The following USP28 variants were observed in gnomAD, a reference collection of about 807,000 sequenced individuals.
USP28 encodes ubiquitin carboxyl-terminal hydrolase 28.
In USP28, 113 loss-of-function variants were observed where a neutral mutation model predicts 145.0. The observed-to-expected ratio is 0.78, with a 90% CI of 0.67 to 0.91. The LOEUF is 0.91. Among genes scored for constraint, USP28 ranks in the 40% least tolerant of loss-of-function variants. The pLI, the probability that USP28 is intolerant of heterozygous loss-of-function variation, is 0.00. For missense variants in USP28, 1,201 were observed against 1,289.6 expected (o/e 0.93, Z 1.05); for synonymous variants, 447 against 450.9 (o/e 0.99, Z 0.11).
chr11:113,840,988 G>A (rs1383019491), intron 4 of USP28, among the ~76,000 whole-genome samples: 1 of 152,164 alleles, frequency 6.6e-6, no homozygotes, highest in Non-Finnish European at 1.5e-5. Flanking sequence ...TAAGGTCCAT[G>A]ATTGAACTAA....
At position 113,801,510 on chromosome 11, in the gene USP28, AC is replaced by A. The variant is rs757098047; in HGVS notation, c.3030del (p.Trp1010CysfsTer17). On this transcript the variant is annotated frameshift_variant, in exon 24 of 25. Transcript: ENST00000003302. LOFTEE classifies it high-confidence loss of function. ...GCAATATCTTGCCCAAGGTAAGAGC[AC>A]CAATGGTTTCTCATGACCTCAATGG... 6.3e-7 allele frequency: 1 copy of A among 1,592,202 alleles called. No homozygotes were observed. The highest frequency in any genetic ancestry group is 1.7e-5 in the Admixed American group (1 of 59,742).
intron 3 of USP28, among the ~76,000 whole-genome samples, chr11:113,848,919 G>C (rs1946158481): frequency 6.6e-6 from 1 of 152,228 alleles, no homozygotes; most frequent in African/African-American, 2.4e-5. Flanking sequence ...GTGCCTCCCA[G>C]AGATGACTCC....
chr11:113,810,232 T>C (rs1004164018), intron 16 of USP28, among the ~76,000 whole-genome samples: 8 of 152,164 alleles, frequency 5.3e-5, no homozygotes, highest in African/African-American at 1.9e-4. Flanking sequence ...TCAAGACATT[T>C]ATACCACCAA....
rs535127334 is a variant in USP28 at position 113,818,120 on chromosome 11, T to C, written c.1284-283A>G. On this transcript the variant is annotated intron_variant, in intron 12 of 24. Coordinates refer to ENST00000003302, the Ensembl canonical transcript of USP28. ...CACTTTCTCATGATGTCATATTACA[T>C]TTAGGCTTTGGTCATTTATTTATTT... is the stretch of plus-strand genomic sequence containing the variant. 1.5e-4 allele frequency: 47 copies of C among 313,616 alleles called. 1 individual carries two copies. Among genetic ancestry groups the C allele is most frequent in the Admixed American group, 2.4e-4 (5 of 21,074 alleles). 19.4% of individuals were successfully genotyped at this position (313,616 alleles called of 1,614,324 possible).
At chr11:113,867,625 G>C (rs1427567603) in intron 1 of USP28, among the ~76,000 whole-genome samples, 1 of 151,972 alleles carries the variant, frequency 6.6e-6, no homozygotes, top group Non-Finnish European at 1.5e-5. Flanking sequence ...CTCTGCAGCA[G>C]GCTGAGGCAG....
intron 3 of USP28, among the ~76,000 whole-genome samples, chr11:113,848,367 T>C (rs1946109289): frequency 6.6e-6 from 1 of 152,126 alleles, no homozygotes; most frequent in African/African-American, 2.4e-5. Flanking sequence ...AACAATTGTG[T>C]GGGGCAATGT....
chr11:113,842,607 T>C (rs1418590057), intron 3 of USP28, among the ~76,000 whole-genome samples: 1 of 148,452 alleles, frequency 6.7e-6, no homozygotes, highest in African/African-American at 2.5e-5. Context: ...AAAGACCAAG[T>C]TGAGTTTACT....
chr11:113,824,376 G>A (rs1943052544), intron 11 of USP28, among the ~76,000 whole-genome samples: 2 of 151,984 alleles, frequency 1.3e-5, no homozygotes, highest in Admixed American at 1.3e-4. Context: ...GGAGTGCAAC[G>A]GCGCAATCTC....
chr11:113,809,079 G>A, exon 17 of USP28: 1 of 1,614,108 alleles, frequency 6.2e-7, no homozygotes, highest in Non-Finnish European at 8.5e-7. Context: ...ATGTAGAGTA[G>A]TCCTGTGATG....
chr11:113,818,471 T>G (rs1466506431), intron 12 of USP28, among the ~76,000 whole-genome samples: 1 of 152,160 alleles, frequency 6.6e-6, no homozygotes, highest in Non-Finnish European at 1.5e-5. Flanking sequence ...TTTACAACTT[T>G]AATTCTTCCC....
At chr11:113,834,858 A>G (rs1399495926) in intron 5 of USP28, among the ~76,000 whole-genome samples, 1 of 152,258 alleles carries the variant, frequency 6.6e-6, no homozygotes, top group Non-Finnish European at 1.5e-5. Context: ...ATGTGTATCA[A>G]CATGGATAAA....
intron 1 of USP28, among the ~76,000 whole-genome samples, chr11:113,862,106 C>T (rs2428021): frequency 6.6e-6 from 1 of 152,096 alleles, no homozygotes; most frequent in African/African-American, 2.4e-5. Context: ...CAGCACTTTA[C>T]GGGGCTGAGG....
intron 1 of USP28, among the ~76,000 whole-genome samples, chr11:113,870,100 T>C (rs930921107): frequency 1.3e-5 from 2 of 152,014 alleles, no homozygotes; most frequent in Non-Finnish European, 2.9e-5. Context: ...AGGCGGAGGA[T>C]GCAGTGAGCC....
In USP28 at chr11:113,852,650, C is replaced by T. The variant is rs372142954; in HGVS notation, c.136-17G>A. The T allele has an allele frequency of 1.4e-5, 23 of 1,610,930 alleles. No individual in the cohort carries two copies. The highest frequency in any genetic ancestry group is 1.7e-5 in the Non-Finnish European group (20 of 1,179,766). On this transcript the variant is annotated splice_polypyrimidine_tract_variant and intron_variant, in intron 2 of 24. Coordinates refer to ENST00000003302, the Ensembl canonical transcript of USP28. ...ATTACTGGCCTATGGGAGAAAAAGA[C>T]AATAGAAATTTCAAAAGTAATCATA...
chr11:113,867,370 G>T (rs891614302), intron 1 of USP28, among the ~76,000 whole-genome samples: 1 of 151,926 alleles, frequency 6.6e-6, no homozygotes, highest in African/African-American at 2.4e-5. Context: ...GGGTTCAAGT[G>T]ATTCTCCTGC....
intron 1 of USP28, among the ~76,000 whole-genome samples, chr11:113,865,658 A>G (rs189134211): frequency 6.6e-6 from 1 of 152,194 alleles, no homozygotes; most frequent in East Asian, 1.9e-4. Flanking sequence ...GAAGAATCAC[A>G]CTGGACCCCT....
chr11:113,800,273 G>C (rs897510241), intron 24 of USP28, among the ~76,000 whole-genome samples: 1 of 152,044 alleles, frequency 6.6e-6, no homozygotes, highest in Non-Finnish European at 1.5e-5. Flanking sequence ...CCAAAGCGCT[G>C]GGACTACAGG....
chr11:113,799,434 T>C lies in USP28; in HGVS notation c.3059-19A>G. The stretch of plus-strand genomic sequence containing the variant: ...AGATTTTCTGTGGAGGGAAAACAGA[T>C]GGTTACATATACAGCTAAACAGATT... On this transcript the variant is annotated intron_variant, in intron 24 of 24. Coordinates refer to ENST00000003302, the Ensembl canonical transcript of USP28. 1.9e-6 allele frequency: 3 copies of C among 1,608,198 alleles called. No homozygotes were observed. The highest frequency in any genetic ancestry group is 2.5e-6 in the Non-Finnish European group (3 of 1,178,214).
At chr11:113,845,726 C>G (rs919740218) in intron 3 of USP28, among the ~76,000 whole-genome samples, 1 of 152,092 alleles carries the variant, frequency 6.6e-6, no homozygotes, top group Non-Finnish European at 1.5e-5. Context: ...AGGCATACAC[C>G]ATCACACCTG....
Sources: gnomAD v4.1 joint callset for allele counts (sites outside exome capture counted in the v4.1 genomes callset) on GRCh38, gnomAD v4.1.1 for gene constraint, MANE v1.5 for transcripts, NCBI Gene and HGNC (gene_info 2026-07-23, HGNC 2026-07-21) for gene names.